AGBL4: variants seen among roughly 807,000 people sequenced by gnomAD.
AGBL4 encodes cytosolic carboxypeptidase 6.
In AGBL4, 58 loss-of-function variants were observed where a neutral mutation model predicts 66.4. That is an observed-to-expected ratio of 0.87 (90% CI 0.71 to 1.09). The LOEUF is 1.09. Among genes scored for constraint, AGBL4 ranks in the 50% least tolerant of loss-of-function variants. The pLI is 0.00. For missense variants in AGBL4, 579 were observed against 631.0 expected (o/e 0.92, Z 0.88); for synonymous variants, 234 against 222.9 (o/e 1.05, Z -0.44).
chr1:48,734,257 G>A lies in AGBL4; in HGVS notation c.635-71016C>T, dbSNP rs974899095. ...AACAAGCCCCAGACCAGAGTCGGCG[G>A]GTGTGTGTTTGAATCTAGGCTCTGA... On this transcript the variant is annotated intron_variant, in intron 6 of 13. Coordinates refer to ENST00000371839, the MANE Select transcript of AGBL4 (RefSeq NM_032785.4). 2.0e-5 allele frequency among the ~76,000 whole-genome samples: 3 copies of A among 152,270 alleles called. No homozygotes were observed. In the East Asian group the frequency reaches 5.8e-4, roughly 29 times the overall value.
intron 5 of AGBL4, among the ~76,000 whole-genome samples, chr1:48,910,091 T>A (rs1469336971): frequency 6.6e-6 from 1 of 152,210 alleles, no homozygotes; most frequent in African/African-American, 2.4e-5. Context: ...AAGAACTTCC[T>A]TAATGAATCT....
At chr1:48,897,747 T>C (rs1281806889) in intron 5 of AGBL4, among the ~76,000 whole-genome samples, 1 of 152,082 alleles carries the variant, frequency 6.6e-6, no homozygotes. Flanking sequence ...TTTTTTCATA[T>C]ACCTGTTGGC....
chr1:48,558,027 C>T (rs1464351037), intron 11 of AGBL4, among the ~76,000 whole-genome samples: 1 of 152,068 alleles, frequency 6.6e-6, no homozygotes. Flanking sequence ...AATAAATAAC[C>T]CTTAGATAAG....
At chr1:49,271,974 T>A (rs545396195) in intron 3 of AGBL4, among the ~76,000 whole-genome samples, 1 of 152,296 alleles carries the variant, frequency 6.6e-6, no homozygotes, top group East Asian at 1.9e-4. Flanking sequence ...CCTTTGTGTG[T>A]ACAATGGATG....
chr1:49,384,377 A>C (rs1204289789), intron 3 of AGBL4, among the ~76,000 whole-genome samples: 1 of 151,794 alleles, frequency 6.6e-6, no homozygotes, highest in Non-Finnish European at 1.5e-5. Flanking sequence ...GCGGATCATG[A>C]GGTCAGGAGC....
chr1:48,647,713 G>T (rs1321266932), intron 8 of AGBL4: 1 of 388,344 alleles, frequency 2.6e-6, no homozygotes, highest in East Asian at 7.4e-5. Flanking sequence ...CTCAGAAAGC[G>T]CCGTGGGGTA....
chr1:48,858,480 T>C (rs1647238541), intron 6 of AGBL4, among the ~76,000 whole-genome samples: 1 of 152,198 alleles, frequency 6.6e-6, no homozygotes, highest in African/African-American at 2.4e-5. Context: ...TCTAATGTAA[T>C]ACTATTTGGC....
chr1:49,761,241 G>T (rs1194294080), intron 2 of AGBL4, among the ~76,000 whole-genome samples: 1 of 151,600 alleles, frequency 6.6e-6, no homozygotes, highest in African/African-American at 2.4e-5. Context: ...GTTTTCAAGA[G>T]TTTATTTTAA....
chr1:49,966,954 G>T (rs545763228), intron 1 of AGBL4, among the ~76,000 whole-genome samples: 1 of 152,218 alleles, frequency 6.6e-6, no homozygotes, highest in Admixed American at 6.5e-5. Context: ...GAATAGTGCT[G>T]CAATAAATAT....
chr1:49,025,708 C>T (rs1404208829), intron 5 of AGBL4: 1 of 152,138 alleles, frequency 6.6e-6, no homozygotes, highest in Admixed American at 6.5e-5. Flanking sequence ...GACTTCTGCA[C>T]CTGCCTCAGT....
chr1:48,800,339 G>A (rs975845103), intron 6 of AGBL4, among the ~76,000 whole-genome samples: 2 of 152,084 alleles, frequency 1.3e-5, no homozygotes, highest in Non-Finnish European at 2.9e-5. Context: ...GATATCCATC[G>A]TAATAGCTCC....
chr1:48,917,643 C>T (rs1017525692), intron 5 of AGBL4, among the ~76,000 whole-genome samples: 2 of 152,154 alleles, frequency 1.3e-5, no homozygotes, highest in African/African-American at 4.8e-5. Context: ...TGACATTGTG[C>T]CTGTCCTCTC....
intron 1 of AGBL4, among the ~76,000 whole-genome samples, chr1:49,940,017 C>A (rs1654572187): frequency 3.3e-5 from 5 of 152,210 alleles, no homozygotes; most frequent in Non-Finnish European, 4.4e-5. Context: ...AAAAAACAAA[C>A]AACCCCATCA....
chr1:49,176,006 T>C (rs1352830167), intron 4 of AGBL4, among the ~76,000 whole-genome samples: 1 of 152,176 alleles, frequency 6.6e-6, no homozygotes, highest in African/African-American at 2.4e-5. Context: ...CATACAATTA[T>C]ATACAATACA....
chr1:48,748,240 T>TTCTCAGACCC (rs1443799536), intron 6 of AGBL4, among the ~76,000 whole-genome samples: 1 of 152,194 alleles, frequency 6.6e-6, no homozygotes, highest in Non-Finnish European at 1.5e-5. Context: ...TCTGTGGACC[T>TTCTCAGACCC]TCTCAGACCC....
At chr1:48,585,083 C>G (rs764204396) in intron 11 of AGBL4, 1 of 152,152 alleles carries the variant, frequency 6.6e-6, no homozygotes, top group Non-Finnish European at 1.5e-5. Flanking sequence ...CTGGTATGTA[C>G]TAATGCTGTG....
chr1:48,841,412 C>T (rs370473089), intron 6 of AGBL4, among the ~76,000 whole-genome samples: 1 of 65,972 alleles, frequency 1.5e-5, no homozygotes, highest in Non-Finnish European at 3.1e-5. Context: ...CCCCCCCCCC[C>T]AAAAAAAAAG....
At chr1:50,002,905 AAAAGT>A (rs1660869693) in intron 1 of AGBL4, among the ~76,000 whole-genome samples, 1 of 152,220 alleles carries the variant, frequency 6.6e-6, no homozygotes, top group African/African-American at 2.4e-5. Context: ...AAAATCACAA[AAAAGT>A]AAAGTAAAAA....
chr1:49,348,080 G>A (rs997284049), intron 3 of AGBL4, among the ~76,000 whole-genome samples: 1 of 151,956 alleles, frequency 6.6e-6, no homozygotes, highest in Non-Finnish European at 1.5e-5. Context: ...ACATTATTCT[G>A]GACTATTTGA....
Sources: allele counts gnomAD v4.1 joint callset (sites outside exome capture counted in the v4.1 genomes callset), GRCh38; gene constraint gnomAD v4.1.1; transcripts MANE v1.5; gene names NCBI Gene and HGNC (gene_info 2026-07-23, HGNC 2026-07-21).